Variants in CHODL observed in about 807,000 individuals in gnomAD.
CHODL encodes chondrolectin, also known as transmembrane protein MT75.
Under a neutral mutation model 34.5 loss-of-function variants are expected in CHODL, and 29 were observed. The observed-to-expected ratio is 0.84, with a 90% CI of 0.63 to 1.15. The LOEUF (loss-of-function observed/expected upper bound fraction) is 1.15. Among genes scored for constraint, CHODL ranks in the 50% most tolerant of loss-of-function variants. The pLI, the probability that CHODL is intolerant of heterozygous loss-of-function variation, is 0.00. For synonymous variants in CHODL, 125 were observed against 116.1 expected (o/e 1.08, Z -0.49); for missense variants, 332 against 332.5 (o/e 1.00, Z 0.01).
chr21:17,990,592 A>G (rs1159878740), intron 1 of CHODL, among the ~76,000 whole-genome samples: 3 of 152,164 alleles, frequency 2.0e-5, no homozygotes, highest in African/African-American at 4.8e-5. Flanking sequence ...AGAAATATCA[A>G]TTAAATACAA....
intron 2 of CHODL, among the ~76,000 whole-genome samples, chr21:18,206,511 T>G (rs1412934592): frequency 6.6e-6 from 1 of 152,144 alleles, no homozygotes. Flanking sequence ...TTCTTTATTT[T>G]TAGTCTCTGT....
chr21:18,091,184 T>A (rs2065068994), intron 2 of CHODL, among the ~76,000 whole-genome samples: 1 of 152,216 alleles, frequency 6.6e-6, no homozygotes. Context: ...TAATTGCCCA[T>A]CCCAGCAATT....
rs564432690 is a variant in CHODL at position 18,071,435 on chromosome 21, G to A, written c.-45+43464G>A. On this transcript the variant is annotated intron_variant, in intron 2 of 6. Transcript: ENST00000400127. ...GCTAGGATTACAGGCATGAGTCACC[G>A]CACCCGGCCAGCTACAGCTCTTTCA... Among the ~76,000 whole-genome samples, 177 of 152,012 alleles carry A rather than the reference G, an allele frequency of 1.2e-3. 1 individual carries two copies. The highest frequency in any genetic ancestry group is 1.9e-3 in the Non-Finnish European group (126 of 67,968).
intron 1 of CHODL, among the ~76,000 whole-genome samples, chr21:18,020,320 A>C (rs890362300): frequency 2.6e-5 from 4 of 152,192 alleles, no homozygotes; most frequent in African/African-American, 9.7e-5. Context: ...AGTCTAAGTC[A>C]AGGAAATTGA....
chr21:18,218,211 T>C (rs2073849478), intron 2 of CHODL, among the ~76,000 whole-genome samples: 1 of 152,222 alleles, frequency 6.6e-6, no homozygotes, highest in Non-Finnish European at 1.5e-5. Flanking sequence ...CTAGCAGAGG[T>C]TCTCCATGAG....
At chr21:17,929,489 A>G (rs2063254139) in intron 1 of CHODL, among the ~76,000 whole-genome samples, 1 of 152,244 alleles carries the variant, frequency 6.6e-6, no homozygotes, top group South Asian at 2.1e-4. Context: ...AGAGAGCACA[A>G]CGGAATTCAT....
At chr21:18,170,923 ACT>A (rs2073219782) in intron 2 of CHODL, among the ~76,000 whole-genome samples, 1 of 151,326 alleles carries the variant, frequency 6.6e-6, no homozygotes, top group African/African-American at 2.4e-5. Flanking sequence ...TTAGCTTGAC[ACT>A]CTTTCTTTAG....
At chr21:18,239,854 C>G (rs1168803654), upstream of CHODL, among the ~76,000 whole-genome samples, 1 of 151,790 alleles carries the variant, frequency 6.6e-6, no homozygotes, top group Non-Finnish European at 1.5e-5. Flanking sequence ...ATTTTCTGAA[C>G]AATTTTGAAA....
intron 2 of CHODL, among the ~76,000 whole-genome samples, chr21:18,037,132 T>C (rs2064320735): frequency 6.6e-6 from 1 of 151,948 alleles, no homozygotes; most frequent in Non-Finnish European, 1.5e-5. Flanking sequence ...GTAAGAATTA[T>C]ATTTTAACTC....
At chr21:18,200,843 G>A (rs913735711) in intron 2 of CHODL, among the ~76,000 whole-genome samples, 3 of 152,144 alleles carry the variant, frequency 2.0e-5, no homozygotes, top group Admixed American at 2.0e-4. Flanking sequence ...AGAGAGAGAA[G>A]GTCGTGTGAA....
chr21:18,085,109 T>G (rs2146520094), intron 2 of CHODL, among the ~76,000 whole-genome samples: 1 of 152,240 alleles, frequency 6.6e-6, no homozygotes, highest in Non-Finnish European at 1.5e-5. Flanking sequence ...GTAGTCCTGT[T>G]TGCTTTTGGT....
intron 2 of CHODL, among the ~76,000 whole-genome samples, chr21:18,117,737 A>G (rs1178533372): frequency 1.3e-5 from 2 of 151,850 alleles, no homozygotes; most frequent in East Asian, 3.9e-4. Flanking sequence ...GAAGAAATAA[A>G]TAAATAAAAC....
At chr21:18,085,879 A>G (rs1325758889) in intron 2 of CHODL, among the ~76,000 whole-genome samples, 2 of 152,048 alleles carry the variant, frequency 1.3e-5, no homozygotes, top group South Asian at 2.1e-4. Flanking sequence ...TGGGCCTTCT[A>G]TGTCTGGATT....
chr21:18,182,774 T>G (rs1335462846), intron 2 of CHODL, among the ~76,000 whole-genome samples: 1 of 152,168 alleles, frequency 6.6e-6, no homozygotes, highest in African/African-American at 2.4e-5. Flanking sequence ...ACTACTTTAT[T>G]CTTATTTTTT....
At chr21:18,210,695 A>G (rs1224123823) in intron 2 of CHODL, among the ~76,000 whole-genome samples, 2 of 152,136 alleles carry the variant, frequency 1.3e-5, no homozygotes, top group African/African-American at 2.4e-5. Flanking sequence ...CATAGCTACT[A>G]CCTTGGTTAG....
At chr21:18,255,023 T>C (rs1336492658) in intron 1 of CHODL, among the ~76,000 whole-genome samples, 3 of 152,064 alleles carry the variant, frequency 2.0e-5, no homozygotes, top group Admixed American at 6.6e-5. Flanking sequence ...ATACTACAAA[T>C]AATGACTTTA....
At chr21:18,071,661 C>T (rs948745035) in intron 2 of CHODL, among the ~76,000 whole-genome samples, 4 of 152,144 alleles carry the variant, frequency 2.6e-5, no homozygotes, top group Non-Finnish European at 5.9e-5. Context: ...CCCTGAACTC[C>T]AAGGTGCAGA....
intron 2 of CHODL, among the ~76,000 whole-genome samples, chr21:18,146,005 G>A (rs1442763069): frequency 6.6e-6 from 1 of 151,978 alleles, no homozygotes; most frequent in Non-Finnish European, 1.5e-5. Flanking sequence ...GTCTCACTCT[G>A]TCACCCAGGC....
chr21:18,226,530 C>G (rs930369040), intron 2 of CHODL, among the ~76,000 whole-genome samples: 3 of 152,080 alleles, frequency 2.0e-5, no homozygotes, highest in Non-Finnish European at 4.4e-5. Context: ...AACTTGTGAC[C>G]TCAATTGGTC....
Sources: gnomAD v4.1 joint callset for allele counts (sites outside exome capture counted in the v4.1 genomes callset) on GRCh38, gnomAD v4.1.1 for gene constraint, MANE v1.5 for transcripts, NCBI Gene and HGNC (gene_info 2026-07-23, HGNC 2026-07-21) for gene names.